The following CUX1 variants were observed in gnomAD, a reference collection of about 807,000 sequenced individuals.
CUX1 encodes cut like homeobox 1.
CUX1 carries 31 observed loss-of-function variants against 158.8 expected under a neutral mutation model. The ratio of observed to expected loss-of-function variants is 0.20; its 90% CI spans 0.15 to 0.26. The LOEUF (loss-of-function observed/expected upper bound fraction) is 0.26, where lower values mean the gene tolerates loss of function less well. CUX1 is among the 10% of genes least tolerant of loss of function. CUX1 has a pLI of 1.00. For missense variants in CUX1, 1,589 were observed against 2,014.6 expected (o/e 0.79, Z 4.04); for synonymous variants, 879 against 862.1 (o/e 1.02, Z -0.34).
chr7:102,226,099 C>G (rs1798320516), intron 20 of CUX1, among the ~76,000 whole-genome samples: 1 of 152,230 alleles, frequency 6.6e-6, no homozygotes, highest in African/African-American at 2.4e-5. Context: ...CCTCTTTTAT[C>G]AGGTTTTATG....
intron 6 of CUX1, among the ~76,000 whole-genome samples, chr7:102,107,010 T>C (rs1554488670): frequency 6.6e-6 from 1 of 152,144 alleles, no homozygotes; most frequent in Non-Finnish European, 1.5e-5. Context: ...GGAGGATCCC[T>C]TGAACTCAGG....
intron 21 of CUX1, among the ~76,000 whole-genome samples, chr7:102,282,253 C>CA (rs1554549523): frequency 6.6e-6 from 1 of 152,174 alleles, no homozygotes; most frequent in African/African-American, 2.4e-5. Context: ...AAGGGACAGT[C>CA]ACGAAGACTG....
chr7:102,058,680 GTA>G (rs1824431037), intron 3 of CUX1, among the ~76,000 whole-genome samples: 1 of 152,138 alleles, frequency 6.6e-6, no homozygotes, highest in South Asian at 2.1e-4. Context: ...TGCTGAATGT[GTA>G]TGTTTTTATA....
chr7:102,261,906 C>T (rs1362196869), downstream of CUX1, among the ~76,000 whole-genome samples: 1 of 152,122 alleles, frequency 6.6e-6, no homozygotes, highest in Non-Finnish European at 1.5e-5. Flanking sequence ...CACTTGAGGC[C>T]GGGAGTTCAA....
chr7:101,951,967 GGCTGTATGCCGA>G (rs1221079596), intron 2 of CUX1, among the ~76,000 whole-genome samples: 1 of 152,214 alleles, frequency 6.6e-6, no homozygotes, highest in Non-Finnish European at 1.5e-5. Flanking sequence ...TGGTGGGCGT[GGCTGTATGCCGA>G]TAAAACTTTA....
upstream of CUX1, chr7:101,816,891 C>G (rs1273529269): frequency 1.0e-6 from 1 of 979,658 alleles, no homozygotes; most frequent in African/African-American, 1.8e-5. Flanking sequence ...GCCGCCGCTC[C>G]GGCACCCCGC....
intron 2 of CUX1, among the ~76,000 whole-genome samples, chr7:101,941,729 T>C (rs969895653): frequency 3.9e-5 from 6 of 152,216 alleles, no homozygotes; most frequent in African/African-American, 1.4e-4. Context: ...GAGCGAAGGC[T>C]TTATGATATT....
Position 102,203,569 on chromosome 7 carries a change from T to C in CUX1, c.2908-822T>C, listed in dbSNP as rs542383480. Among the ~76,000 whole-genome samples the C allele has an allele frequency of 3.3e-5, 5 of 152,310 alleles. No homozygotes were observed. In the East Asian group the frequency reaches 9.6e-4, roughly 29 times the overall value. On this transcript the variant is annotated intron_variant, in intron 18 of 23. Coordinates refer to ENST00000292535, the MANE Select transcript of CUX1 (RefSeq NM_181552.4). Reference sequence around the variant, plus strand: ...GTTGTAAAAATACCATTTGAGAACATTGAAATAGACATTCGTGCTCATGCC... The same window carrying C: ...GTTGTAAAAATACCATTTGAGAACACTGAAATAGACATTCGTGCTCATGCC...
At chr7:102,176,576 T>G (rs1792370945) in intron 10 of CUX1, among the ~76,000 whole-genome samples, 1 of 142,568 alleles carries the variant, frequency 7.0e-6, no homozygotes, top group Non-Finnish European at 1.5e-5. Context: ...TTTTTTTTTT[T>G]TTTTTTTTTG....
At chr7:102,276,913 G>A (rs142594640) in intron 17 of CUX1, among the ~76,000 whole-genome samples, 19 of 152,240 alleles carry the variant, frequency 1.2e-4, no homozygotes, top group African/African-American at 3.9e-4. Flanking sequence ...ACAAATGACC[G>A]AACTGTACAC....
At chr7:102,088,001 C>CT (rs147066918) in intron 4 of CUX1, among the ~76,000 whole-genome samples, 2,550 of 143,840 alleles carry the variant, frequency 0.018, 50 homozygotes, top group African/African-American at 0.057. Context: ...TAATCTCACC[C>CT]TTTTTTTTTT....
At chr7:101,876,903 C>A (rs574282567) in intron 1 of CUX1, among the ~76,000 whole-genome samples, 1 of 140,730 alleles carries the variant, frequency 7.1e-6, no homozygotes, top group Non-Finnish European at 1.5e-5. Context: ...CGTGAGCCAC[C>A]GCACCCGGCC....
chr7:101,984,845 G>C (rs1236848192), intron 2 of CUX1, among the ~76,000 whole-genome samples: 2 of 152,200 alleles, frequency 1.3e-5, no homozygotes, highest in Non-Finnish European at 2.9e-5. Flanking sequence ...AAGGTATTAA[G>C]ATCGCATTAA....
intron 14 of CUX1, among the ~76,000 whole-genome samples, chr7:102,272,579 A>G (rs570497558): frequency 1.1e-4 from 17 of 152,344 alleles, no homozygotes; most frequent in Non-Finnish European, 2.2e-4. Context: ...AGTCAACCAG[A>G]AACAGGGCCA....
At chr7:102,278,081 TG>T (rs1344541996) in intron 18 of CUX1, 1 of 1,557,468 alleles carries the variant, frequency 6.4e-7, no homozygotes, top group Non-Finnish European at 8.8e-7. Context: ...GGCCCTCCCC[TG>T]GCCTCAGCTC....
intron 10 of CUX1, among the ~76,000 whole-genome samples, 185 bp downstream of exon 10, chr7:102,170,735 G>A (rs1217447745): frequency 1.3e-5 from 2 of 152,166 alleles, no homozygotes; most frequent in Non-Finnish European, 2.9e-5. Context: ...CGAAGGAAGA[G>A]CTTTGCTAAC....
rs1554490168 is a variant in CUX1, at chr7:102,111,756, G to A, written c.589G>A (p.Val197Ile). 1 of 1,614,112 alleles carries A rather than the reference G, an allele frequency of 6.2e-7. No individual in the cohort carries two copies. Among genetic ancestry groups the A allele is most frequent in the South Asian group, 1.1e-5 (1 of 91,088 alleles). ...AAAGCTGGAGGAAGCTGAGCATAAG[G>A]TTCAGAGCCTACAAACAGGTTTGAT... ...TSKLEEAEHKVQSLQTALEKT... is the reference protein window; with the variant it reads ...TSKLEEAEHKIQSLQTALEKT... Residue 197 changes from valine to isoleucine, a missense_variant, in exon 7 of 24, where the codon GTT (valine) becomes ATT (isoleucine). Val to Ile is a conservative substitution (Grantham distance 29, BLOSUM62 3). Transcript: ENST00000292535.
At chr7:101,821,651 CTTTTCTTTTTTTCTTTTTTCTT>C (rs1792560131) in intron 1 of CUX1, among the ~76,000 whole-genome samples, 6 of 95,296 alleles carry the variant, frequency 6.3e-5, no homozygotes, top group African/African-American at 1.9e-4. Context: ...ATTTTCTTTT[CTTTTCTTTTTTTCTTTTTTCTT>C]TTTTTTTTTT....
chr7:102,127,679 A>G (rs548656931), intron 8 of CUX1, among the ~76,000 whole-genome samples: 2 of 152,254 alleles, frequency 1.3e-5, no homozygotes, highest in South Asian at 2.1e-4. Flanking sequence ...CACGTAGGTG[A>G]GCCCTAAGAC....
Sources: gnomAD v4.1 joint callset for allele counts (sites outside exome capture counted in the v4.1 genomes callset) on GRCh38, gnomAD v4.1.1 for gene constraint, MANE v1.5 for transcripts, NCBI Gene and HGNC (gene_info 2026-07-23, HGNC 2026-07-21) for gene names.